The following RASAL2 variants were observed in gnomAD, a reference collection of about 807,000 sequenced individuals.
RASAL2 encodes RAS protein activator like 2.
A neutral mutation model predicts 128.9 loss-of-function variants in RASAL2; 58 were observed. The ratio of observed to expected loss-of-function variants is 0.45; its 90% CI spans 0.36 to 0.56. The LOEUF (loss-of-function observed/expected upper bound fraction) is 0.56, where lower values mean the gene tolerates loss of function less well. RASAL2 is among the 20% of genes least tolerant of loss of function. RASAL2 has a pLI of 0.00. For missense variants in RASAL2, 1,360 were observed against 1,601.6 expected (o/e 0.85, Z 2.57); for synonymous variants, 561 against 580.8 (o/e 0.97, Z 0.49).
intron 2 of RASAL2, among the ~76,000 whole-genome samples, chr1:178,297,351 C>T (rs1667561812): frequency 6.6e-6 from 1 of 151,674 alleles, no homozygotes. Flanking sequence ...CCTGTAATCC[C>T]AGCACTTTGG....
At chr1:178,276,358 A>G (rs1448103007) in intron 1 of RASAL2, among the ~76,000 whole-genome samples, 1 of 152,146 alleles carries the variant, frequency 6.6e-6, no homozygotes, top group East Asian at 1.9e-4. Flanking sequence ...ACCTGACTGG[A>G]TTTTCCTTTC....
At chr1:178,214,639 A>G (rs1663366160) in intron 1 of RASAL2, among the ~76,000 whole-genome samples, 1 of 151,634 alleles carries the variant, frequency 6.6e-6, no homozygotes, top group Non-Finnish European at 1.5e-5. Flanking sequence ...GCTCACTGCA[A>G]GCTCTGCCTC....
intron 4 of RASAL2, among the ~76,000 whole-genome samples, chr1:178,406,725 T>C (rs1296686107): frequency 6.6e-6 from 1 of 152,130 alleles, no homozygotes. Context: ...TAATAAAGTA[T>C]GCTAGATATC....
chr1:178,284,380 A>G (rs1225019519), intron 2 of RASAL2, among the ~76,000 whole-genome samples: 1 of 152,216 alleles, frequency 6.6e-6, no homozygotes, highest in Non-Finnish European at 1.5e-5. Flanking sequence ...CTACTGGCCA[A>G]ATCTAACTCG....
At chr1:178,440,455 T>C (rs554811893) in intron 6 of RASAL2, among the ~76,000 whole-genome samples, 1 of 152,212 alleles carries the variant, frequency 6.6e-6, no homozygotes, top group Admixed American at 6.5e-5. Flanking sequence ...GTCTTCAAAA[T>C]CTGATGTGTG....
At chr1:178,180,724 G>C (rs1662077479) in intron 1 of RASAL2, among the ~76,000 whole-genome samples, 1 of 142,310 alleles carries the variant, frequency 7.0e-6, no homozygotes, top group South Asian at 2.3e-4. Context: ...GCATTATTGC[G>C]ACTCTAACCA....
At chr1:178,189,739 G>C (rs559975999) in intron 1 of RASAL2, among the ~76,000 whole-genome samples, 2 of 152,244 alleles carry the variant, frequency 1.3e-5, no homozygotes, top group Admixed American at 6.5e-5. Context: ...ATCCTCTGGG[G>C]TTCAGGATAA....
intron 1 of RASAL2, among the ~76,000 whole-genome samples, chr1:178,242,423 T>TTCTCTCTC (rs58914415): frequency 5.9e-5 from 5 of 85,262 alleles, no homozygotes; most frequent in East Asian, 3.7e-4. Flanking sequence ...TTATAATTCA[T>TTCTCTCTC]TCTCTCTCTC....
At chr1:178,459,878 TG>T (rs1390858914) in intron 14 of RASAL2, among the ~76,000 whole-genome samples, 1 of 152,216 alleles carries the variant, frequency 6.6e-6, no homozygotes, top group East Asian at 1.9e-4. Context: ...CATTTTTATT[TG>T]AAGAAAAGGA....
chr1:178,328,336 T>C (rs1197477732), intron 3 of RASAL2, among the ~76,000 whole-genome samples: 1 of 152,192 alleles, frequency 6.6e-6, no homozygotes. Flanking sequence ...GATACAGGCA[T>C]ATAATGTGTA....
At chr1:178,320,853 T>G (rs947518924) in intron 3 of RASAL2, among the ~76,000 whole-genome samples, 1 of 152,200 alleles carries the variant, frequency 6.6e-6, no homozygotes, top group Admixed American at 6.5e-5. Context: ...ATTCGTAAAA[T>G]TTACTCAATT....
chr1:178,257,170 G>A (rs899367913), intron 1 of RASAL2, among the ~76,000 whole-genome samples: 10 of 152,126 alleles, frequency 6.6e-5, no homozygotes, highest in Non-Finnish European at 1.2e-4. Flanking sequence ...TTGATTAGAA[G>A]ACTTAGTGTT....
At chr1:178,230,055 A>T (rs1231514814) in intron 1 of RASAL2, among the ~76,000 whole-genome samples, 2 of 152,184 alleles carry the variant, frequency 1.3e-5, no homozygotes, top group Admixed American at 6.5e-5. Flanking sequence ...ATAGAATCAT[A>T]CAGTGTATAC....
intron 3 of RASAL2, among the ~76,000 whole-genome samples, chr1:178,362,106 C>CT (rs970727048): frequency 3.9e-5 from 6 of 152,142 alleles, no homozygotes; most frequent in African/African-American, 1.4e-4. Context: ...GCTCCGTGGC[C>CT]TGGGGGTTGG....
intron 1 of RASAL2, among the ~76,000 whole-genome samples, chr1:178,174,102 T>C (rs576011909): frequency 6.6e-6 from 1 of 152,044 alleles, no homozygotes; most frequent in African/African-American, 2.4e-5. Context: ...TTCTAAAAAG[T>C]TTTCAAGAAG....
At chr1:178,430,907 TACACACACAC>T (rs71297897) in intron 5 of RASAL2, among the ~76,000 whole-genome samples, 233 of 134,060 alleles carry the variant, frequency 1.7e-3, no homozygotes, top group African/African-American at 5.8e-3. Context: ...GGCAAAAAAG[TACACACACAC>T]ACACACACAC....
intron 17 of RASAL2, among the ~76,000 whole-genome samples, chr1:178,471,882 C>G (rs1429592648): frequency 6.6e-6 from 1 of 152,176 alleles, no homozygotes; most frequent in Non-Finnish European, 1.5e-5. Flanking sequence ...GCCCTGAGCC[C>G]TGCTACTTCC....
intron 1 of RASAL2, among the ~76,000 whole-genome samples, chr1:178,255,600 A>G (rs1189681287): frequency 1.3e-5 from 2 of 152,098 alleles, no homozygotes; most frequent in African/African-American, 4.8e-5. Flanking sequence ...TAAAATTTCT[A>G]TATCCCACTG....
chr1:178,362,760 G>A (rs1671190705), intron 3 of RASAL2, among the ~76,000 whole-genome samples: 1 of 151,546 alleles, frequency 6.6e-6, no homozygotes, highest in South Asian at 2.1e-4. Context: ...AGATCATGCA[G>A]TGTTTTTCTC....
Sources: gnomAD v4.1 joint callset for allele counts (sites outside exome capture counted in the v4.1 genomes callset) on GRCh38, gnomAD v4.1.1 for gene constraint, MANE v1.5 for transcripts, NCBI Gene and HGNC (gene_info 2026-07-23, HGNC 2026-07-21) for gene names.